The following CCDC91 variants were observed in gnomAD, a reference collection of about 807,000 sequenced individuals.
The protein encoded by CCDC91 is coiled-coil domain-containing protein 91.
In CCDC91, 48 loss-of-function variants were observed where a neutral mutation model predicts 63.2. The observed-to-expected ratio is 0.76, with a 90% confidence interval of 0.60 to 0.97. The LOEUF is 0.97. Among genes scored for constraint, CCDC91 ranks in the 50% least tolerant of loss-of-function variants. The pLI, the probability that CCDC91 is intolerant of heterozygous loss-of-function variation, is 0.00. For missense variants in CCDC91, 500 were observed against 494.6 expected (o/e 1.01, Z -0.10); for synonymous variants, 167 against 165.8 (o/e 1.01, Z -0.06).
chr12:28,378,226 A>G (rs1945068129), intron 7 of CCDC91, among the ~76,000 whole-genome samples: 1 of 152,014 alleles, frequency 6.6e-6, no homozygotes, highest in South Asian at 2.1e-4. Context: ...TCTTTTGTGC[A>G]TTTTCTGAAA....
intron 6 of CCDC91, among the ~76,000 whole-genome samples, chr12:28,325,165 T>C (rs1399337078): frequency 6.6e-6 from 1 of 151,950 alleles, no homozygotes; most frequent in African/African-American, 2.4e-5. Flanking sequence ...AAATTGGGAA[T>C]CACATAAAAG....
chr12:28,430,935 A>G (rs1948594569), intron 8 of CCDC91, among the ~76,000 whole-genome samples: 1 of 152,154 alleles, frequency 6.6e-6, no homozygotes, highest in South Asian at 2.1e-4. Context: ...TGCCCATGGC[A>G]TGAATGGCCT....
At chr12:28,397,889 C>T (rs995893398) in intron 8 of CCDC91, among the ~76,000 whole-genome samples, 3 of 152,036 alleles carry the variant, frequency 2.0e-5, no homozygotes, top group African/African-American at 7.2e-5. Flanking sequence ...CCCATAATGC[C>T]TTGTCAAAAA....
intron 8 of CCDC91, among the ~76,000 whole-genome samples, chr12:28,393,895 T>G (rs1220323850): frequency 6.6e-6 from 1 of 152,228 alleles, no homozygotes; most frequent in Non-Finnish European, 1.5e-5. Context: ...ATTAAAAGAT[T>G]AACACATGAA....
chr12:28,512,817 G>A (rs1361027043), intron 12 of CCDC91, among the ~76,000 whole-genome samples: 1 of 151,830 alleles, frequency 6.6e-6, no homozygotes, highest in African/African-American at 2.4e-5. Flanking sequence ...TGTATGGTAC[G>A]GAAGGGATTC....
intron 8 of CCDC91, among the ~76,000 whole-genome samples, chr12:28,400,886 A>G (rs1425384233): frequency 1.3e-5 from 2 of 152,204 alleles, no homozygotes; most frequent in Non-Finnish European, 2.9e-5. Context: ...CTTATTGTCC[A>G]TATCACTATC....
chr12:28,443,662 G>T (rs954886872), intron 8 of CCDC91, among the ~76,000 whole-genome samples: 1 of 152,064 alleles, frequency 6.6e-6, no homozygotes, highest in Non-Finnish European at 1.5e-5. Context: ...TAGCAGTAGA[G>T]CCATTAGCAC....
intron 12 of CCDC91, among the ~76,000 whole-genome samples, chr12:28,496,680 C>T (rs1952301524): frequency 6.6e-6 from 1 of 151,368 alleles, no homozygotes; most frequent in Admixed American, 6.6e-5. Context: ...AGAACATTAG[C>T]AATTGCTAGG....
At chr12:28,271,959 T>C (rs1396205179) in intron 3 of CCDC91, among the ~76,000 whole-genome samples, 1 of 150,364 alleles carries the variant, frequency 6.7e-6, no homozygotes, top group East Asian at 1.9e-4. Context: ...TTATTAGCAG[T>C]ATTATGCTTG....
intron 6 of CCDC91, among the ~76,000 whole-genome samples, chr12:28,352,416 A>G (rs1477151664): frequency 6.6e-6 from 1 of 152,206 alleles, no homozygotes; most frequent in African/African-American, 2.4e-5. Context: ...AATTGGAGTA[A>G]GTTCTCTCAA....
intron 7 of CCDC91, among the ~76,000 whole-genome samples, chr12:28,381,827 C>G (rs1945314548): frequency 6.6e-6 from 1 of 151,950 alleles, no homozygotes. Flanking sequence ...TAATAATTAC[C>G]CTGAGCCACT....
intron 1 of CCDC91, among the ~76,000 whole-genome samples, chr12:28,203,224 G>A (rs1942597242): frequency 6.6e-6 from 1 of 152,156 alleles, no homozygotes; most frequent in Admixed American, 6.5e-5. Context: ...CCATTTTTCT[G>A]TAATATGTTC....
chr12:28,508,803 G>T (rs1043149791), intron 12 of CCDC91, among the ~76,000 whole-genome samples: 49 of 152,044 alleles, frequency 3.2e-4, no homozygotes, highest in African/African-American at 1.2e-3. Flanking sequence ...ATGGCGATAA[G>T]TAAGTAGGGC....
intron 12 of CCDC91, among the ~76,000 whole-genome samples, chr12:28,498,773 A>G (rs1267263229): frequency 6.6e-6 from 1 of 151,678 alleles, no homozygotes; most frequent in Non-Finnish European, 1.5e-5. Context: ...CAGTGAACAA[A>G]TACCATCAAA....
chr12:28,404,649 T>C (rs1946824993), intron 8 of CCDC91, among the ~76,000 whole-genome samples: 1 of 152,134 alleles, frequency 6.6e-6, no homozygotes, highest in African/African-American at 2.4e-5. Context: ...TTTGTAAGTG[T>C]TTGCCTCATG....
intron 12 of CCDC91, among the ~76,000 whole-genome samples, chr12:28,521,954 G>A (rs1189516665): frequency 1.3e-5 from 2 of 152,106 alleles, no homozygotes; most frequent in Non-Finnish European, 2.9e-5. Context: ...GCTTTTTGAT[G>A]TGCTGCTGGA....
At chr12:28,381,888 G>A (rs991744578) in intron 7 of CCDC91, among the ~76,000 whole-genome samples, 18 of 152,202 alleles carry the variant, frequency 1.2e-4, no homozygotes, top group African/African-American at 4.1e-4. Context: ...CACAGTCAAG[G>A]TGGAGCTTGG....
At chr12:28,362,090 T>C (rs866822958) in intron 6 of CCDC91, among the ~76,000 whole-genome samples, 2 of 152,022 alleles carry the variant, frequency 1.3e-5, no homozygotes, top group African/African-American at 4.8e-5. Flanking sequence ...ATTAGAAATA[T>C]AGAGGCCAAG....
intron 3 of CCDC91, among the ~76,000 whole-genome samples, chr12:28,266,268 A>G (rs1287311374): frequency 6.6e-5 from 10 of 151,990 alleles, no homozygotes. Context: ...GATTAGAGTC[A>G]AATATCCGTG....
Sources: allele counts gnomAD v4.1 joint callset (sites outside exome capture counted in the v4.1 genomes callset), GRCh38; gene constraint gnomAD v4.1.1; transcripts MANE v1.5; gene names NCBI Gene and HGNC (gene_info 2026-07-23, HGNC 2026-07-21).